The following KCNC1 variants were observed in gnomAD, a reference collection of about 807,000 sequenced individuals.
KCNC1 encodes the protein potassium voltage-gated channel subfamily C member 1.
KCNC1 carries 8 observed loss-of-function variants against 43.4 expected under a neutral mutation model. That is an observed-to-expected ratio of 0.18 (90% confidence interval 0.11 to 0.33). The LOEUF (loss-of-function observed/expected upper bound fraction) is 0.33. Among genes scored for constraint, KCNC1 ranks in the 10% least tolerant of loss-of-function variants. The probability of loss-of-function intolerance (pLI) is 1.00; values close to 1 mark genes in which losing one functional copy is unlikely to be tolerated. For synonymous variants in KCNC1, 361 were observed against 360.5 expected (o/e 1.00, Z -0.01); for missense variants, 420 against 836.0 (o/e 0.50, Z 6.14).
rs188456134 is a variant in KCNC1 at position 17,754,733 on chromosome 11, G to C, written c.571-16932G>C. Among the ~76,000 whole-genome samples, 51 of 152,250 alleles carry C rather than the reference G, an allele frequency of 3.3e-4. 2 individuals are homozygous for C. Among genetic ancestry groups the C allele is most frequent in the Admixed American group, 2.4e-3 (36 of 15,298 alleles). The stretch of plus-strand genomic sequence containing the variant: ...GACCCTCAGATTCAGCCACCTCATG[G>C]ACCTTACATTCTAGAGGGGGAAGAG... On this transcript the variant is annotated intron_variant, in intron 1 of 3. Transcript: ENST00000265969.
At chr11:17,737,641 C>A (rs1003437086) in intron 1 of KCNC1, among the ~76,000 whole-genome samples, 8 of 152,182 alleles carry the variant, frequency 5.3e-5, no homozygotes, top group Admixed American at 5.2e-4. Context: ...GGAAGAGACA[C>A]TCCCAGCCTT....
rs748020876 is a variant in KCNC1 at position 17,771,355 on chromosome 11, A to G, written c.571-310A>G. 5.9e-5 allele frequency among the ~76,000 whole-genome samples: 9 copies of G among 152,264 alleles called. No homozygotes were observed. The highest frequency in any genetic ancestry group is 1.3e-4 in the Non-Finnish European group (9 of 68,052). ...ACTCAGGTAACAGTTCAATGTGGGTATGTGGCTGATGTCTTTCTTTTCAGG... is the reference window on the plus strand; with the variant it reads ...ACTCAGGTAACAGTTCAATGTGGGTGTGTGGCTGATGTCTTTCTTTTCAGG... On this transcript the variant is annotated intron_variant, in intron 1 of 3. Transcript: ENST00000265969. This position sits in a 1 kb window ranked among gnomAD's most constrained non-coding sequence, Gnocchi z 4.7.
At chr11:17,763,363 C>T (rs1222671254) in intron 1 of KCNC1, among the ~76,000 whole-genome samples, 7 of 151,936 alleles carry the variant, frequency 4.6e-5, no homozygotes, top group Admixed American at 4.6e-4. Flanking sequence ...CCATCTCTGG[C>T]ATAGAAAATG....
In KCNC1 at chr11:17,742,251, G is replaced by A. The variant is rs915473118; in HGVS notation, c.570+5679G>A. Among the ~76,000 whole-genome samples the A allele has an allele frequency of 1.3e-5, 2 of 152,154 alleles. No individual in the cohort carries two copies. Among genetic ancestry groups the A allele is most frequent in the Non-Finnish European group, 2.9e-5 (2 of 68,030 alleles). On this transcript the variant is annotated intron_variant, in intron 1 of 3. Coordinates refer to ENST00000265969, the MANE Select transcript of KCNC1 (RefSeq NM_001112741.2). The surrounding 1 kb of genome is among the most constrained non-coding windows in gnomAD (Gnocchi z 4.2). ...AGTCTGTGCTCCTTGACTCTGAGCA[G>A]GAGGCCTGGCCTCTGCCAGAAGCTT...
intron 1 of KCNC1, among the ~76,000 whole-genome samples, chr11:17,750,784 C>A (rs1046647030): frequency 3.3e-5 from 5 of 152,198 alleles, no homozygotes; most frequent in East Asian, 1.9e-4. Context: ...TCCTGCTAGG[C>A]CGGCTCTCAT....
At position 17,777,229 on chromosome 11, in the gene KCNC1, G is replaced by A. The variant is rs1012205021; in HGVS notation, c.1505-2227G>A. ...GGTCTCAGGCGGCACCATCTCCACA[G>A]AGGCAGAGGCAGAGAGAAGGCACCC... On this transcript the variant is annotated intron_variant, in intron 2 of 3. Coordinates refer to ENST00000265969, the MANE Select transcript of KCNC1 (RefSeq NM_001112741.2). This position sits in a 1 kb window ranked among gnomAD's most constrained non-coding sequence, Gnocchi z 4.3. The A allele has an allele frequency of 7.1e-6, 7 of 985,596 alleles. No individual in the cohort carries two copies. In the Admixed American group the frequency reaches 1.8e-4, roughly 26 times the overall value. The allele number at this position is 985,596 out of a possible 1,614,324, so 61.1% of individuals were successfully genotyped here. A position where few individuals can be genotyped will look rare whatever the true frequency, so the allele number is the denominator to read the frequency against.
chr11:17,766,967 C>CA (rs33931057), intron 1 of KCNC1, among the ~76,000 whole-genome samples: 18,343 of 133,200 alleles, frequency 0.14, 1,281 homozygotes, highest in Non-Finnish European at 0.15. Flanking sequence ...TAAAAAATAC[C>CA]AAAAAAAAAA....
intron 1 of KCNC1, among the ~76,000 whole-genome samples, chr11:17,758,962 G>A (rs1451190258): frequency 6.6e-6 from 1 of 152,174 alleles, no homozygotes; most frequent in Non-Finnish European, 1.5e-5. Flanking sequence ...TTGAAGCTTT[G>A]AAGCCAGGCA....
At chr11:17,745,069 GC>G (rs112191398) in intron 1 of KCNC1, among the ~76,000 whole-genome samples, 59 of 152,182 alleles carry the variant, frequency 3.9e-4, no homozygotes, top group African/African-American at 1.3e-3. Flanking sequence ...CCTCACCCCA[GC>G]CCTGAAACCG....
intron 1 of KCNC1, among the ~76,000 whole-genome samples, chr11:17,757,412 A>G (rs1425652740): frequency 6.6e-6 from 1 of 152,190 alleles, no homozygotes; most frequent in Non-Finnish European, 1.5e-5. Context: ...TGATGACCCC[A>G]GAGGGCAGAC....
chr11:17,739,767 A>G lies in KCNC1; in HGVS notation c.570+3195A>G, dbSNP rs2133777813. On this transcript the variant is annotated intron_variant, in intron 1 of 3. Coordinates refer to ENST00000265969, the MANE Select transcript of KCNC1 (RefSeq NM_001112741.2). This position sits in a 1 kb window ranked among gnomAD's most constrained non-coding sequence, Gnocchi z 4.2. ...GGGGTCCCTGTGTGTGACAGACTGT[A>G]TGTGAAGGTGTGTGTAAGACAGAGA... 6.6e-6 allele frequency among the ~76,000 whole-genome samples: 1 copy of G among 151,188 alleles called. No homozygotes were observed. Among genetic ancestry groups the G allele is most frequent in the South Asian group, 2.1e-4 (1 of 4,772 alleles).
At position 17,736,359 on chromosome 11, in the gene KCNC1, G is replaced by A. The variant is rs746655606; in HGVS notation, c.357G>A (p.Leu119=). Residue 119 remains leucine (L), a synonymous_variant, in exon 1 of 4, where the codon CTG becomes CTA. Coordinates refer to ENST00000265969, the MANE Select transcript of KCNC1 (RefSeq NM_001112741.2). The surrounding 1 kb of genome is among the most constrained non-coding windows in gnomAD (Gnocchi z 9.3). ...AGCACCGCGACGCCGAGGAGGCTCT[G>A]GACAGCTTCGGCGGCGCTCCTCTGG... ...YRQHRDAEEA[L]DSFGGAPLDN... 2 of 1,612,574 alleles carry A rather than the reference G, an allele frequency of 1.2e-6. No homozygotes were observed. Among genetic ancestry groups the A allele is most frequent in the South Asian group, 2.2e-5 (2 of 91,014 alleles).
chr11:17,772,362 C>T lies in KCNC1; in HGVS notation c.1268C>T (p.Ala423Val). 2 of 1,614,092 alleles carry T rather than the reference C, an allele frequency of 1.2e-6. No individual in the cohort carries two copies. The highest frequency in any genetic ancestry group is 8.5e-7 in the Non-Finnish European group (1 of 1,180,028). ...CTGGTGGGGGCTCTGTGTGCGCTGG[C>T]GGGCGTGCTCACCATCGCCATGCCC... ...GMLVGALCAL[A>V]GVLTIAMPVP... The change falls in exon 2 of 4, where the codon GCG (alanine) becomes GTG (valine). Residue 423 changes from alanine (A) to valine (V), a missense_variant. By Grantham distance (64) the Ala-to-Val change is moderately conservative. Around this residue, in one of 5 missense-constraint regions of KCNC1, gnomAD observed 58 missense variants for 256.9 expected, o/e 0.23. Coordinates refer to ENST00000265969, the MANE Select transcript of KCNC1 (RefSeq NM_001112741.2).
chr11:17,738,772 G>A (rs745845938), intron 1 of KCNC1, among the ~76,000 whole-genome samples: 1 of 152,230 alleles, frequency 6.6e-6, no homozygotes, highest in Non-Finnish European at 1.5e-5. Context: ...ACTGAAGAGC[G>A]GACTCTGAGG....
chr11:17,777,273 C>T lies in KCNC1; in HGVS notation c.1505-2183C>T, dbSNP rs1849297742. The T allele has an allele frequency of 2.0e-6, 2 of 985,878 alleles. No homozygotes were observed. The highest frequency in any genetic ancestry group is 1.2e-6 in the Non-Finnish European group (1 of 830,020). The allele number at this position is 985,878 out of a possible 1,614,324, so 61.1% of individuals were successfully genotyped here. Reference sequence around the variant, plus strand: ...GGCACCCCCCTCTGACCCACCCCTCCCCAGGCAAGAACTGCAGGCTGTGGA... The same window carrying T: ...GGCACCCCCCTCTGACCCACCCCTCTCCAGGCAAGAACTGCAGGCTGTGGA... On this transcript the variant is annotated intron_variant, in intron 2 of 3. Coordinates refer to ENST00000265969, the MANE Select transcript of KCNC1 (RefSeq NM_001112741.2). The surrounding 1 kb of genome is among the most constrained non-coding windows in gnomAD (Gnocchi z 4.3).
At position 17,742,256 on chromosome 11, in the gene KCNC1, C is replaced by T. The variant is rs945539997; in HGVS notation, c.570+5684C>T. On this transcript the variant is annotated intron_variant, in intron 1 of 3. Transcript: ENST00000265969. The surrounding 1 kb of genome is among the most constrained non-coding windows in gnomAD (Gnocchi z 4.2). ...GTGCTCCTTGACTCTGAGCAGGAGG[C>T]CTGGCCTCTGCCAGAAGCTTTGGAG... Among the ~76,000 whole-genome samples, 14 of 152,176 alleles carry T rather than the reference C, an allele frequency of 9.2e-5. 1 individual carries two copies. The highest frequency in any genetic ancestry group is 3.1e-4 in the African/African-American group (13 of 41,504).
At chr11:17,757,449 G>A (rs1849035108) in intron 1 of KCNC1, among the ~76,000 whole-genome samples, 1 of 152,216 alleles carries the variant, frequency 6.6e-6, no homozygotes, top group Non-Finnish European at 1.5e-5. Flanking sequence ...AATGAGACAG[G>A]AGGTTGACTT....
intron 2 of KCNC1, chr11:17,774,315 C>T: frequency 1.0e-6 from 1 of 985,506 alleles, no homozygotes; most frequent in South Asian, 4.7e-5. Flanking sequence ...GTGGGCCTGG[C>T]AAGAAGAGCT....
intron 1 of KCNC1, among the ~76,000 whole-genome samples, chr11:17,751,498 C>T (rs903245417): frequency 1.1e-4 from 17 of 152,256 alleles, no homozygotes; most frequent in Admixed American, 5.2e-4. Flanking sequence ...ACATCCTGGA[C>T]GATGGGACTT....
Sources: allele counts gnomAD v4.1 joint callset (sites outside exome capture counted in the v4.1 genomes callset), GRCh38; gene constraint gnomAD v4.1.1; regional missense constraint gnomAD v4.1.1; non-coding constraint Gnocchi (gnomAD v3.1); transcripts MANE v1.5; gene names NCBI Gene and HGNC (gene_info 2026-07-23, HGNC 2026-07-21).